Variants in DOP1A observed in about 807,000 individuals in gnomAD.
DOP1A encodes the protein DOP1 leucine zipper like protein A.
DOP1A carries 90 observed loss-of-function variants against 267.6 expected under a neutral mutation model. The ratio of observed to expected loss-of-function variants is 0.34; its 90% CI spans 0.28 to 0.40. DOP1A has a LOEUF of 0.40. DOP1A is among the 10% of genes least tolerant of loss of function. DOP1A has a pLI of 1.00. For missense variants in DOP1A, 2,437 were observed against 2,900.4 expected (o/e 0.84, Z 3.67); for synonymous variants, 932 against 999.1 (o/e 0.93, Z 1.27).
In DOP1A at chr6:83,137,757, C is replaced by G. The variant is rs764661325; in HGVS notation, c.3715C>G (p.Pro1239Ala). The change falls in exon 21 of 39, where the codon CCT (proline) becomes GCT (alanine). Residue 1239 changes from proline to alanine, a missense_variant. By Grantham distance (27) the Pro-to-Ala change is conservative. This residue lies in a region of DOP1A where 878 missense variants were observed against 992.9 expected (regional missense o/e 0.88). Coordinates refer to ENST00000349129, the MANE Select transcript of DOP1A (RefSeq NM_015018.4). ...TGGAATCTCCAGGAATAGCTCCTCA[C>G]CTTGTATTTCAGGAACCACACACAC... is the stretch of plus-strand genomic sequence containing the variant. ...ANGISRNSSS[P>A]CISGTTHTLH... 2.5e-6 allele frequency: 4 copies of G among 1,613,640 alleles called. No individual in the cohort carries two copies. The highest frequency in any genetic ancestry group is 1.7e-6 in the Non-Finnish European group (2 of 1,179,862).
intron 4 of DOP1A, among the ~76,000 whole-genome samples, chr6:83,104,044 T>G (rs755468028): frequency 3.3e-5 from 5 of 152,202 alleles, no homozygotes; most frequent in Non-Finnish European, 5.9e-5. Flanking sequence ...TGAAGTCTGA[T>G]TTATCAACCT....
chr6:83,151,431 T>C (rs1331863098), intron 27 of DOP1A, among the ~76,000 whole-genome samples, 162 bp from the exon 28 acceptor site: 3 of 152,208 alleles, frequency 2.0e-5, no homozygotes, highest in African/African-American at 7.2e-5. Flanking sequence ...TTCATGAGTA[T>C]GTTTATGAAT....
At chr6:83,069,558 T>A (rs1785264089) in intron 1 of DOP1A, among the ~76,000 whole-genome samples, 1 of 152,200 alleles carries the variant, frequency 6.6e-6, no homozygotes, top group Non-Finnish European at 1.5e-5. Context: ...GCTTATTTTT[T>A]GGCTGTCATT....
intron 21 of DOP1A, 25 bp from the exon 22 acceptor site, chr6:83,139,975 T>C: frequency 6.6e-7 from 1 of 1,516,390 alleles, no homozygotes; most frequent in East Asian, 2.3e-5. Flanking sequence ...AAAACTTGTG[T>C]TTAAATGAAT....
chr6:83,167,621 G>A, intron 38 of DOP1A: 1 of 1,208,424 alleles, frequency 8.3e-7, no homozygotes, highest in Non-Finnish European at 1.0e-6. Flanking sequence ...TGTTAACTAA[G>A]CTTATCTGCG....
intron 24 of DOP1A, among the ~76,000 whole-genome samples, chr6:83,144,744 T>G (rs1583093369): frequency 6.6e-6 from 1 of 152,070 alleles, no homozygotes; most frequent in Non-Finnish European, 1.5e-5. Context: ...AATAGTAGTA[T>G]ATGTTATTTA....
chr6:83,138,343 A>G lies in DOP1A; in HGVS notation c.4301A>G (p.Asp1434Gly), dbSNP rs765025475. 6.2e-7 allele frequency: 1 copy of G among 1,611,652 alleles called. No individual in the cohort carries two copies. Among genetic ancestry groups the G allele is most frequent in the Non-Finnish European group, 8.5e-7 (1 of 1,179,934 alleles). ...ARHRISVMGK[D>G]FYSHIPVDSN... Reference sequence around the variant, plus strand: ...CACCGGATTTCTGTTATGGGCAAAGATTTTTATAGTCACATTCCAGTGGAC... The same window carrying G: ...CACCGGATTTCTGTTATGGGCAAAGGTTTTTATAGTCACATTCCAGTGGAC... The change falls in exon 21 of 39, where the codon GAT becomes GGT. Residue 1434 changes from aspartate to glycine, a missense_variant. By Grantham distance (94) the Asp-to-Gly change is moderately conservative (BLOSUM62 -1). Coordinates refer to ENST00000349129, the MANE Select transcript of DOP1A (RefSeq NM_015018.4).
At position 83,151,966 on chromosome 6, in the gene DOP1A, T is replaced by A; in HGVS notation, c.5988T>A (p.Leu1996=). 6.2e-7 allele frequency: 1 copy of A among 1,614,056 alleles called. No homozygotes were observed. The highest frequency in any genetic ancestry group is 8.5e-7 in the Non-Finnish European group (1 of 1,179,974). ...AGACAACATGGCTGCGACGAAATCT[T>A]GAAGTTAAGCCTTCTCCCAAAATAA... ...LEQTTWLRRN[L]EVKPSPKIMV... is the part of the protein sequence containing the mutation. The change falls in exon 29 of 39, where the codon CTT becomes CTA. Residue 1996 remains leucine, a synonymous_variant. Transcript: ENST00000349129.
At chr6:83,125,364 TAC>T in intron 14 of DOP1A, 134 bp from the exon 15 acceptor site, 1 of 1,012,492 alleles carries the variant, frequency 9.9e-7, no homozygotes, top group East Asian at 2.6e-5. Flanking sequence ...TAATAAAATA[TAC>T]AGTGTTAATT....
chr6:83,083,716 A>G (rs996938592), intron 1 of DOP1A, among the ~76,000 whole-genome samples: 1 of 152,208 alleles, frequency 6.6e-6, no homozygotes, highest in African/African-American at 2.4e-5. Context: ...TTATTTGGCT[A>G]CTATGCTTTG....
chr6:83,085,836 A>ATGTTATGTTC, intron 1 of DOP1A, among the ~76,000 whole-genome samples: 1 of 147,172 alleles, frequency 6.8e-6, no homozygotes, highest in Non-Finnish European at 1.5e-5. Context: ...ATGTTATGTT[A>ATGTTATGTTC]TTTTGAGACA....
At chr6:83,109,157 T>C in intron 5 of DOP1A, 77 bp downstream of exon 5, 1 of 1,302,538 alleles carries the variant, frequency 7.7e-7, no homozygotes, top group Admixed American at 1.9e-5. Flanking sequence ...AAATATGTTT[T>C]AACATCACAA....
At chr6:83,126,597 G>T (rs1777197307) in intron 15 of DOP1A, among the ~76,000 whole-genome samples, 3 of 152,126 alleles carry the variant, frequency 2.0e-5, no homozygotes, top group Non-Finnish European at 2.9e-5. Context: ...TAATCAAGTG[G>T]TAGGAATATG....
intron 8 of DOP1A, 136 bp downstream of exon 8, chr6:83,119,123 A>G (rs899572979): frequency 1.4e-6 from 1 of 691,758 alleles, no homozygotes; most frequent in African/African-American, 1.8e-5. Context: ...ATAAAAATAT[A>G]AACAGTATTA....
intron 15 of DOP1A, among the ~76,000 whole-genome samples, chr6:83,128,635 C>G (rs1252503043): frequency 1.3e-5 from 2 of 152,102 alleles, no homozygotes; most frequent in African/African-American, 4.8e-5. Flanking sequence ...CATTTGAAAA[C>G]AAGGATATAG....
chr6:83,138,135 C>T lies in DOP1A; in HGVS notation c.4093C>T (p.Leu1365Phe). The stretch of plus-strand genomic sequence containing the variant: ...ATCTCCCAATTTCAACATTCATCCT[C>T]TCTATCAACATGTGCTCCTGTATCT... ...RKSPNFNIHP[L>F]YQHVLLYLQL... The change falls in exon 21 of 39, where the codon CTC (leucine) becomes TTC (phenylalanine). Residue 1365 changes from leucine to phenylalanine, a missense_variant. Leu to Phe is a conservative substitution (Grantham distance 22). Coordinates refer to ENST00000349129, the MANE Select transcript of DOP1A (RefSeq NM_015018.4). 5 of 1,613,928 alleles carry T rather than the reference C, an allele frequency of 3.1e-6. No homozygotes were observed. Among genetic ancestry groups the T allele is most frequent in the Non-Finnish European group, 4.2e-6 (5 of 1,179,896 alleles).
intron 36 of DOP1A, 53 bp downstream of exon 36, chr6:83,158,675 T>C: frequency 8.2e-7 from 1 of 1,221,130 alleles, no homozygotes; most frequent in South Asian, 1.3e-5. Flanking sequence ...CCTGAAATTA[T>C]TCAGAATATT....
chr6:83,142,055 T>G lies in DOP1A; in HGVS notation c.5541+9T>G, dbSNP rs556777152. On this transcript the variant is annotated intron_variant, in intron 24 of 38. Coordinates refer to ENST00000349129, the MANE Select transcript of DOP1A (RefSeq NM_015018.4). ...CAACCACCAGGACCAAGGTATGTAT[T>G]TAGACATTTGGCACTTTTTGTTTTT... 8 of 1,608,524 alleles carry G rather than the reference T, an allele frequency of 5.0e-6. No individual in the cohort carries two copies. Among genetic ancestry groups the G allele is most frequent in the South Asian group, 3.3e-5 (3 of 89,772 alleles).
intron 37 of DOP1A, among the ~76,000 whole-genome samples, chr6:83,162,188 G>A (rs1295544474): frequency 6.6e-6 from 1 of 152,092 alleles, no homozygotes; most frequent in Admixed American, 6.6e-5. Flanking sequence ...GCGGGGAGGG[G>A]AGACTGCCTT....
Sources: gnomAD v4.1 joint callset for allele counts (sites outside exome capture counted in the v4.1 genomes callset) on GRCh38, gnomAD v4.1.1 for gene constraint, gnomAD v4.1.1 regional missense constraint, MANE v1.5 for transcripts, NCBI Gene and HGNC (gene_info 2026-07-23, HGNC 2026-07-21) for gene names.